NRG1: variants seen among roughly 807,000 people sequenced by gnomAD.
NRG1 encodes the protein pro-neuregulin-1, membrane-bound isoform.
NRG1 carries 18 observed loss-of-function variants against 63.8 expected under a neutral mutation model. The ratio of observed to expected loss-of-function variants is 0.28; its 90% CI spans 0.19 to 0.42. The LOEUF (loss-of-function observed/expected upper bound fraction) is 0.42, where lower values mean the gene tolerates loss of function less well. NRG1 is among the 10% of genes least tolerant of loss of function. The pLI is 1.00. For synonymous variants in NRG1, 302 were observed against 301.3 expected, an observed-to-expected ratio of 1.00 and a Z score of -0.02; for missense variants, 762 against 814.7, an observed-to-expected ratio of 0.94 and a Z score of 0.79.
intron 1 of NRG1, among the ~76,000 whole-genome samples, chr8:31,800,749 G>A (rs1821687965): frequency 6.6e-6 from 1 of 150,376 alleles, no homozygotes; most frequent in South Asian, 2.1e-4. Flanking sequence ...GAAAAAAATA[G>A]AAAGAAAAAT....
Position 32,742,063 on chromosome 8 carries a change from C to T in NRG1, c.633-612C>T. On this transcript the variant is annotated intron_variant, in intron 6 of 11. Transcript: ENST00000356819. The surrounding 1 kb of genome is among the most constrained non-coding windows in gnomAD (Gnocchi z 4.2). ...TACTGAGAATGTGCCCATGAAAGTC[C>T]AAAACCAAGAAAGTATGTCAAAATA... 6.2e-7 allele frequency: 1 copy of T among 1,613,438 alleles called. No individual in the cohort carries two copies. The highest frequency in any genetic ancestry group is 8.5e-7 in the Non-Finnish European group (1 of 1,179,636).
At chr8:32,695,733 C>T (rs1043981254) in intron 5 of NRG1, among the ~76,000 whole-genome samples, 3 of 152,166 alleles carry the variant, frequency 2.0e-5, no homozygotes, top group African/African-American at 7.2e-5. Flanking sequence ...GAACGACCTT[C>T]TTTTTGCTAA....
At chr8:31,841,120 A>G (rs2129607721) in intron 1 of NRG1, among the ~76,000 whole-genome samples, 1 of 151,980 alleles carries the variant, frequency 6.6e-6, no homozygotes, top group South Asian at 2.1e-4. Flanking sequence ...CCTGCCTAGA[A>G]TGTAGTTGGA....
intron 1 of NRG1, among the ~76,000 whole-genome samples, chr8:31,999,903 T>G (rs1812647640): frequency 3.3e-5 from 5 of 151,874 alleles, no homozygotes. Flanking sequence ...TAAATGGGAT[T>G]GTGGAGGAGC....
intron 1 of NRG1, among the ~76,000 whole-genome samples, chr8:32,195,511 G>T (rs566828274): frequency 7.3e-5 from 11 of 151,374 alleles, no homozygotes; most frequent in African/African-American, 2.7e-4. Flanking sequence ...CTGGCTCTTA[G>T]TCAAAGCCTA....
intron 1 of NRG1, among the ~76,000 whole-genome samples, chr8:31,952,631 T>C (rs1346842388): frequency 6.6e-6 from 1 of 152,266 alleles, no homozygotes; most frequent in Admixed American, 6.5e-5. Flanking sequence ...TTATTTTAGA[T>C]CATTAACTTT....
exon 2 of NRG1, chr8:32,595,868 G>T: frequency 6.2e-7 from 1 of 1,613,144 alleles, no homozygotes; most frequent in Non-Finnish European, 8.5e-7. Context: ...GCCAGGAATC[G>T]GCTGCAGGTT....
intron 1 of NRG1, 67 bp downstream of exon 1, chr8:32,548,893 G>A: frequency 6.8e-7 from 1 of 1,479,580 alleles, no homozygotes; most frequent in Non-Finnish European, 9.0e-7. Flanking sequence ...CCTCCTCCTC[G>A]GATGCCGTGG....
At chr8:32,613,104 A>G (rs1031307898) in intron 3 of NRG1, among the ~76,000 whole-genome samples, 1 of 151,918 alleles carries the variant, frequency 6.6e-6, no homozygotes, top group African/African-American at 2.4e-5. Context: ...ATCCTGAGAA[A>G]ATGATGTACC....
At chr8:32,461,755 G>A (rs560778903) in intron 1 of NRG1, among the ~76,000 whole-genome samples, 24 of 152,132 alleles carry the variant, frequency 1.6e-4, no homozygotes, top group African/African-American at 4.3e-4. Flanking sequence ...TCCCTTAATC[G>A]AGTCTGAAAA....
At chr8:31,754,734 C>G (rs1449149803) in intron 1 of NRG1, among the ~76,000 whole-genome samples, 1 of 152,016 alleles carries the variant, frequency 6.6e-6, no homozygotes, top group Non-Finnish European at 1.5e-5. Context: ...TCAGTGGCCC[C>G]TGTAACAAGT....
intron 1 of NRG1, among the ~76,000 whole-genome samples, chr8:32,115,676 C>T (rs760055801): frequency 5.3e-5 from 8 of 152,008 alleles, no homozygotes; most frequent in African/African-American, 9.7e-5. Context: ...TTATGTTGTC[C>T]GGGATGCTAT....
intron 1 of NRG1, among the ~76,000 whole-genome samples, chr8:32,380,368 A>G (rs1345231054): frequency 1.3e-5 from 2 of 151,946 alleles, no homozygotes; most frequent in African/African-American, 4.8e-5. Context: ...GTGTTTCTGG[A>G]AATCTTTTTC....
At chr8:31,854,804 A>T (rs1203448569) in intron 1 of NRG1, among the ~76,000 whole-genome samples, 1 of 151,868 alleles carries the variant, frequency 6.6e-6, no homozygotes, top group Non-Finnish European at 1.5e-5. Context: ...AGATTCTGGT[A>T]TGTTGTGTCT....
Position 31,810,861 on chromosome 8 carries a change from C to A in NRG1, c.37+171430C>A, listed in dbSNP as rs114260771. Among the ~76,000 whole-genome samples the A allele has an allele frequency of 6.3e-3, 963 of 152,250 alleles. 12 individuals carry two copies. Among genetic ancestry groups the A allele is most frequent in the African/African-American group, 0.022 (928 of 41,546 alleles). On this transcript the variant is annotated intron_variant, in intron 1 of 10. Coordinates refer to the NRG1 transcript ENST00000519301. ...AATCATTTCTGTTACATAGTGGGTG[C>A]AGAGGAAATATTTGTTACATGAGGC...
chr8:32,671,462 C>T (rs1184106090), intron 5 of NRG1, among the ~76,000 whole-genome samples: 2 of 151,984 alleles, frequency 1.3e-5, no homozygotes, highest in Non-Finnish European at 2.9e-5. Flanking sequence ...TTTTTGTCTA[C>T]CCTTTAAGGG....
intron 1 of NRG1, among the ~76,000 whole-genome samples, chr8:31,878,117 C>T (rs890064832): frequency 2.6e-5 from 4 of 152,222 alleles, no homozygotes; most frequent in East Asian, 1.9e-4. Flanking sequence ...AAGTACAAAC[C>T]GTCAGTCTGC....
chr8:32,626,550 G>A lies in NRG1; in HGVS notation c.502+9665G>A, dbSNP rs535094476. ...AAAAAATTAGCTGGGCATGGTGGCGGTTGCCTGTAGTCCCAGCTACTGGGG... is the reference window on the plus strand; with the variant it reads ...AAAAAATTAGCTGGGCATGGTGGCGATTGCCTGTAGTCCCAGCTACTGGGG... On this transcript the variant is annotated intron_variant, in intron 5 of 11. Coordinates refer to ENST00000356819, the Ensembl canonical transcript of NRG1. Among the ~76,000 whole-genome samples, 3 of 152,082 alleles carry A rather than the reference G, an allele frequency of 2.0e-5. No homozygotes were observed. The South Asian group carries it at 6.2e-4, about 32-fold the overall frequency.
chr8:32,168,036 A>G (rs1272182154), intron 1 of NRG1, among the ~76,000 whole-genome samples: 1 of 152,176 alleles, frequency 6.6e-6, no homozygotes, highest in Non-Finnish European at 1.5e-5. Context: ...GGAAAAAAAT[A>G]TAGCTCTCCC....
Sources: allele counts gnomAD v4.1 joint callset (sites outside exome capture counted in the v4.1 genomes callset), GRCh38; gene constraint gnomAD v4.1.1; non-coding constraint Gnocchi (gnomAD v3.1); transcripts MANE v1.5; gene names NCBI Gene and HGNC (gene_info 2026-07-23, HGNC 2026-07-21).